NAA16: variants seen among roughly 807,000 people sequenced by gnomAD.
NAA16 encodes the protein NARG1-like protein.
In NAA16, 97 loss-of-function variants were observed where a neutral mutation model predicts 110.3. That is an observed-to-expected ratio of 0.88 (90% CI 0.75 to 1.04). The LOEUF is 1.04. Ranked by LOEUF, NAA16 falls within the 50% of genes least tolerant of loss-of-function variation. NAA16 has a pLI of 0.00. For missense variants in NAA16, 1,017 were observed against 1,005.1 expected (o/e 1.01, Z -0.16); for synonymous variants, 372 against 330.6 (o/e 1.13, Z -1.36).
At chr13:41,330,324 C>CA (rs1409855228) in intron 7 of NAA16, among the ~76,000 whole-genome samples, 1 of 151,882 alleles carries the variant, frequency 6.6e-6, no homozygotes. Flanking sequence ...GTGGTGTTTA[C>CA]AATCTTGATG....
At chr13:41,318,702 G>A (rs1207988599) in intron 2 of NAA16, 104 bp from the exon 3 acceptor site, 4 of 454,388 alleles carry the variant, frequency 8.8e-6, no homozygotes, top group Middle Eastern at 5.6e-4. Flanking sequence ...AAGATGAATT[G>A]GAGCCATAGT....
intron 2 of NAA16, among the ~76,000 whole-genome samples, chr13:41,317,646 A>G (rs997845843): frequency 2.6e-5 from 4 of 152,222 alleles, no homozygotes; most frequent in Non-Finnish European, 5.9e-5. Context: ...CTTTGAAGGA[A>G]ATGGAAAGAA....
At chr13:41,374,879 G>A in intron 19 of NAA16, 40 bp downstream of exon 19, 1 of 1,240,448 alleles carries the variant, frequency 8.1e-7, no homozygotes, top group East Asian at 2.3e-5. Context: ...CTTACACAGT[G>A]ATCTAACAAA....
intron 3 of NAA16, among the ~76,000 whole-genome samples, 152 bp from the exon 4 acceptor site, chr13:41,320,514 TA>T (rs2041919123): frequency 6.6e-6 from 1 of 152,224 alleles, no homozygotes; most frequent in Non-Finnish European, 1.5e-5. Flanking sequence ...GTTTCGTCTT[TA>T]ACTTCCCCTC....
In NAA16 at chr13:41,369,184, AAG is replaced by A. The variant is rs769061585; in HGVS notation, c.1852_1853del (p.Glu618ThrfsTer12). The A allele has an allele frequency of 2.1e-5, 33 of 1,598,976 alleles. No individual in the cohort carries two copies. Among genetic ancestry groups the A allele is most frequent in the African/African-American group, 4.1e-5 (3 of 74,066 alleles). ...KLEEERKHAE[R>X]ERQQKNQKKK... is the part of the protein sequence containing the mutation. ...TAGAAGAAGAAAGAAAGCATGCAGAAAGAGAACGTCAACAGAAAAATCAAAAG... is the reference window on the plus strand; with the variant it reads ...TAGAAGAAGAAAGAAAGCATGCAGAAAGAACGTCAACAGAAAAATCAAAAG... On this transcript the variant is annotated frameshift_variant, in exon 15 of 20. Transcript: ENST00000379406. LOFTEE classifies it high-confidence loss of function.
chr13:41,322,631 G>C (rs377759756), intron 4 of NAA16, among the ~76,000 whole-genome samples: 1 of 152,094 alleles, frequency 6.6e-6, no homozygotes. Context: ...TGGGTGTTTC[G>C]CCTGGCTGTG....
chr13:41,335,386 A>T (rs908692831), intron 8 of NAA16, among the ~76,000 whole-genome samples: 1 of 152,182 alleles, frequency 6.6e-6, no homozygotes, highest in Non-Finnish European at 1.5e-5. Flanking sequence ...TATTTGCCCA[A>T]GGTTGCACAC....
intron 17 of NAA16, 31 bp downstream of exon 17, chr13:41,372,861 T>C: frequency 6.8e-7 from 1 of 1,479,996 alleles, no homozygotes; most frequent in Non-Finnish European, 9.1e-7. Context: ...TATTTACATT[T>C]GTGAATTATT....
At chr13:41,337,141 A>G (rs1022442070) in intron 9 of NAA16, among the ~76,000 whole-genome samples, 30 of 152,210 alleles carry the variant, frequency 2.0e-4, no homozygotes, top group Admixed American at 2.0e-4. Flanking sequence ...GTAAAATGCA[A>G]TTTGGTCAAA....
At chr13:41,329,990 G>T (rs1394465577) in intron 7 of NAA16, among the ~76,000 whole-genome samples, 1 of 149,746 alleles carries the variant, frequency 6.7e-6, no homozygotes, top group Non-Finnish European at 1.5e-5. Context: ...CTTTAAGTAG[G>T]ATTTATACGG....
intron 9 of NAA16, among the ~76,000 whole-genome samples, chr13:41,352,259 T>A (rs2042855956): frequency 6.6e-6 from 1 of 151,872 alleles, no homozygotes; most frequent in South Asian, 2.1e-4. Flanking sequence ...GGAGGATGGC[T>A]TGAGCCTGGG....
At chr13:41,372,578 GT>G in intron 16 of NAA16, 153 bp from the exon 17 acceptor site, 1 of 985,368 alleles carries the variant, frequency 1.0e-6, no homozygotes, top group Non-Finnish European at 1.2e-6. Context: ...GAAAGCCATA[GT>G]TGACTTTGAT....
intron 1 of NAA16, among the ~76,000 whole-genome samples, chr13:41,316,401 C>T (rs944351976): frequency 6.6e-6 from 1 of 150,756 alleles, no homozygotes; most frequent in Non-Finnish European, 1.5e-5. Flanking sequence ...CTGCCTCCTG[C>T]GTTCAAGCGA....
intron 9 of NAA16, among the ~76,000 whole-genome samples, chr13:41,342,337 C>T (rs1169250377): frequency 1.3e-5 from 2 of 152,132 alleles, no homozygotes; most frequent in Non-Finnish European, 2.9e-5. Context: ...AGGGTTTCCT[C>T]GTGTTGCCCA....
At chr13:41,349,364 T>C (rs764216665) in intron 9 of NAA16, among the ~76,000 whole-genome samples, 21 of 151,938 alleles carry the variant, frequency 1.4e-4, no homozygotes, top group Non-Finnish European at 4.4e-5. Flanking sequence ...TTGTTTATTT[T>C]GTAAAGATGG....
At position 41,311,280 on chromosome 13, in the gene NAA16, A is replaced by G. The variant is rs2041542700; in HGVS notation, c.-249A>G. 1.8e-6 allele frequency: 1 copy of G among 548,718 alleles called. No homozygotes were observed. The highest frequency in any genetic ancestry group is 2.3e-5 in the South Asian group (1 of 44,296). 34.0% of individuals were successfully genotyped at this position (548,718 alleles called of 1,614,324 possible). On this transcript the variant is annotated 5_prime_UTR_variant, in exon 1 of 20. Transcript: ENST00000379406. ...GGCTGCCATCTTGCAGTGCGCGGGAACCGCCGCCGCCGCCGCTGGCCAAAA... is the reference window on the plus strand; with the variant it reads ...GGCTGCCATCTTGCAGTGCGCGGGAGCCGCCGCCGCCGCCGCTGGCCAAAA...
At chr13:41,346,524 G>A (rs2042684726) in intron 9 of NAA16, among the ~76,000 whole-genome samples, 1 of 152,172 alleles carries the variant, frequency 6.6e-6, no homozygotes, top group African/African-American at 2.4e-5. Flanking sequence ...AGGAGGGAGG[G>A]GAAGGATTAG....
chr13:41,327,285 AC>A (rs1310530355), intron 6 of NAA16, among the ~76,000 whole-genome samples: 1 of 152,082 alleles, frequency 6.6e-6, no homozygotes, highest in East Asian at 1.9e-4. Context: ...TTGTTCTGTT[AC>A]TTATTGATGG....
chr13:41,363,928 T>C (rs1196361469), intron 13 of NAA16, among the ~76,000 whole-genome samples: 2 of 152,146 alleles, frequency 1.3e-5, no homozygotes, highest in East Asian at 1.9e-4. Context: ...TTTATAGTTA[T>C]TATGTATATT....
Sources: allele counts gnomAD v4.1 joint callset (sites outside exome capture counted in the v4.1 genomes callset), GRCh38; gene constraint gnomAD v4.1.1; transcripts MANE v1.5; gene names NCBI Gene and HGNC (gene_info 2026-07-23, HGNC 2026-07-21).